ACSL1: variants seen among roughly 807,000 people sequenced by gnomAD.
The protein encoded by ACSL1 is long-chain-fatty-acid--CoA ligase 1.
ACSL1 carries 41 observed loss-of-function variants against 98.4 expected under a neutral mutation model. The ratio of observed to expected loss-of-function variants is 0.42; its 90% CI spans 0.32 to 0.54. The LOEUF is 0.54. Among genes scored for constraint, ACSL1 ranks in the 20% least tolerant of loss-of-function variants. The pLI, the probability that ACSL1 is intolerant of heterozygous loss-of-function variation, is 0.13. For synonymous variants in ACSL1, 316 were observed against 322.7 expected, an observed-to-expected ratio of 0.98 and a Z score of 0.22; for missense variants, 734 against 883.1, an observed-to-expected ratio of 0.83 and a Z score of 2.14.
chr4:184,774,910 AT>A (rs1176748134), intron 7 of ACSL1, among the ~76,000 whole-genome samples: 2 of 152,272 alleles, frequency 1.3e-5, no homozygotes, highest in East Asian at 3.9e-4. Context: ...AATTCTGTAC[AT>A]TTTTTTCAAA....
In ACSL1 at chr4:184,816,684, T is replaced by C. The variant is rs145211393; in HGVS notation, c.-33+9232A>G. 6.4e-3 allele frequency among the ~76,000 whole-genome samples: 971 copies of C among 152,266 alleles called. 7 individuals carry two copies. The highest frequency in any genetic ancestry group is 0.01 in the Non-Finnish European group (687 of 68,018). ...ACTCCAACTTCAGCTTCAGTAATGA[T>C]CAACGTTTTGCTGTTTCATTATACC... On this transcript the variant is annotated intron_variant, in intron 1 of 20. Coordinates refer to ENST00000281455, the MANE Select transcript of ACSL1 (RefSeq NM_001995.5).
At chr4:184,821,036 G>A (rs556372634) in intron 1 of ACSL1, 27 of 456,274 alleles carry the variant, frequency 5.9e-5, no homozygotes, top group Non-Finnish European at 1.1e-4. Flanking sequence ...CCTTTATCTT[G>A]TGTACAGTAA....
chr4:184,772,433 C>A (rs1764644487), intron 10 of ACSL1, among the ~76,000 whole-genome samples: 1 of 152,152 alleles, frequency 6.6e-6, no homozygotes, highest in South Asian at 2.1e-4. Flanking sequence ...AAGGAAAAGG[C>A]ATATGGTTCA....
intron 1 of ACSL1, among the ~76,000 whole-genome samples, chr4:184,814,813 G>GCC (rs773348778): frequency 1.3e-5 from 2 of 152,116 alleles, no homozygotes; most frequent in African/African-American, 2.4e-5. Context: ...GCTATGCTTT[G>GCC]CCCCGTCTGC....
intron 2 of ACSL1, among the ~76,000 whole-genome samples, chr4:184,790,707 T>C (rs1282314477): frequency 1.3e-5 from 2 of 152,266 alleles, no homozygotes. Flanking sequence ...GGAGACATCA[T>C]GAGTCCACTT....
intron 2 of ACSL1, among the ~76,000 whole-genome samples, chr4:184,802,412 G>C (rs1770680642): frequency 6.6e-6 from 1 of 152,112 alleles, no homozygotes; most frequent in Admixed American, 6.5e-5. Context: ...AGCAGTAAAT[G>C]GGGGGATCTT....
In ACSL1 at chr4:184,776,513, C is replaced by A; in HGVS notation, c.727G>T (p.Val243Leu). 1.2e-6 allele frequency: 2 copies of A among 1,613,822 alleles called. No individual in the cohort carries two copies. Among genetic ancestry groups the A allele is most frequent in the Non-Finnish European group, 1.7e-6 (2 of 1,179,822 alleles). ...ATCGCCTTCATGCTGGTGACTTCCA[C>A]CCCACACCTCTGGCCTCGTTCCACC... ...ELVERGQRCG[V>L]EVTSMKAMED... The change falls in exon 7 of 21, where the codon GTG becomes TTG. Residue 243 changes from valine (V) to leucine (L), a missense_variant. Physicochemically the swap from Val to Leu is conservative, Grantham distance 32 (BLOSUM62 1). Coordinates refer to ENST00000281455, the MANE Select transcript of ACSL1 (RefSeq NM_001995.5).
chr4:184,821,284 T>G, intron 1 of ACSL1: 2 of 351,562 alleles, frequency 5.7e-6, no homozygotes, highest in South Asian at 4.2e-5. Flanking sequence ...CTCTGCTTAA[T>G]AAAGGAATAA....
intron 10 of ACSL1, among the ~76,000 whole-genome samples, chr4:184,771,420 T>C (rs1313622894): frequency 6.6e-6 from 1 of 152,200 alleles, no homozygotes; most frequent in Non-Finnish European, 1.5e-5. Context: ...CCTTAGAGTA[T>C]TTTGAGTTTG....
intron 1 of ACSL1, among the ~76,000 whole-genome samples, chr4:184,814,584 A>G (rs1348868099): frequency 6.6e-6 from 1 of 152,138 alleles, no homozygotes. Flanking sequence ...TATTTTTCCC[A>G]ATTTTTTACT....
chr4:184,780,064 G>T (rs1275818426), intron 5 of ACSL1, among the ~76,000 whole-genome samples: 2 of 152,060 alleles, frequency 1.3e-5, no homozygotes, highest in Non-Finnish European at 2.9e-5. Context: ...TAGAGATGGG[G>T]TTTCTCCATG....
In ACSL1 at chr4:184,814,208, A is replaced by G. The variant is rs185962512; in HGVS notation, c.-32-10662T>C. Among the ~76,000 whole-genome samples, 499 of 147,568 alleles carry G rather than the reference A, an allele frequency of 3.4e-3. 1 individual carries two copies. Among genetic ancestry groups the G allele is most frequent in the Middle Eastern group, 0.01 (3 of 288 alleles). ...CGGGAGGCTGAGGCAGGAGAATGGC[A>G]TGAACCCGGGAGGCGGAGCTTGCAG... On this transcript the variant is annotated intron_variant, in intron 1 of 20. Coordinates refer to ENST00000281455, the MANE Select transcript of ACSL1 (RefSeq NM_001995.5).
chr4:184,768,239 G>C (rs749866178), intron 12 of ACSL1, 77 bp downstream of exon 12: 3 of 1,471,338 alleles, frequency 2.0e-6, no homozygotes, highest in African/African-American at 2.9e-5. Flanking sequence ...GATGGCACAT[G>C]GCACAGCCCA....
At chr4:184,797,180 C>A (rs1387017002) in intron 2 of ACSL1, among the ~76,000 whole-genome samples, 2 of 152,224 alleles carry the variant, frequency 1.3e-5, no homozygotes, top group South Asian at 2.1e-4. Context: ...CGGGCCCCAG[C>A]CACTCAAGTC....
intron 10 of ACSL1, among the ~76,000 whole-genome samples, chr4:184,770,918 G>A (rs919513211): frequency 6.6e-6 from 1 of 152,196 alleles, no homozygotes; most frequent in Admixed American, 6.5e-5. Context: ...GAGGTCAGGA[G>A]TTCAAGACCA....
intron 1 of ACSL1, among the ~76,000 whole-genome samples, chr4:184,812,923 G>A (rs1325003059): frequency 2.6e-5 from 4 of 152,110 alleles, no homozygotes; most frequent in African/African-American, 4.8e-5. Flanking sequence ...AGAGTCCCAC[G>A]CGAGGGCTCT....
chr4:184,755,828 C>T lies in ACSL1; in HGVS notation c.*1297G>A, dbSNP rs1294764346. The T allele has an allele frequency of 6.6e-6, 1 of 152,638 alleles. No individual in the cohort carries two copies. The highest frequency in any genetic ancestry group is 2.4e-5 in the African/African-American group (1 of 41,454). 9.5% of individuals were successfully genotyped at this position (152,638 alleles called of 1,614,324 possible). ...AGCCCTGTTGTGCTTGTATATAATA[C>T]ATGTACTCTCACAGACCCCAAAACA... On this transcript the variant is annotated 3_prime_UTR_variant, in exon 21 of 21. Transcript: ENST00000281455.
At chr4:184,820,305 CTG>C (rs1772964559) in intron 1 of ACSL1, among the ~76,000 whole-genome samples, 16 of 152,256 alleles carry the variant, frequency 1.1e-4, no homozygotes, top group Admixed American at 7.8e-4. Context: ...GCGTGAGCCA[CTG>C]CACCCGGCCA....
At chr4:184,794,393 C>T (rs1341134950) in intron 2 of ACSL1, among the ~76,000 whole-genome samples, 1 of 152,164 alleles carries the variant, frequency 6.6e-6, no homozygotes, top group East Asian at 1.9e-4. Flanking sequence ...CCAGATTCCC[C>T]CCAATACAGT....
Sources: gnomAD v4.1 joint callset for allele counts (sites outside exome capture counted in the v4.1 genomes callset) on GRCh38, gnomAD v4.1.1 for gene constraint, MANE v1.5 for transcripts, NCBI Gene and HGNC (gene_info 2026-07-23, HGNC 2026-07-21) for gene names.